Variants in GCNA observed in about 807,000 individuals in gnomAD.
GCNA encodes germ cell nuclear acidic protein.
Under a neutral mutation model 38.8 loss-of-function variants are expected in GCNA, and 3 were observed. That is an observed-to-expected ratio of 0.08 (90% CI 0.04 to 0.20). The LOEUF is 0.20. Ranked by LOEUF, GCNA falls within the 10% of genes least tolerant of loss-of-function variation. The pLI, the probability that GCNA is intolerant of heterozygous loss-of-function variation, is 1.00. For synonymous variants in GCNA, 195 were observed against 240.2 expected, an observed-to-expected ratio of 0.81 and a Z score of 1.74; for missense variants, 446 against 578.6, an observed-to-expected ratio of 0.77 and a Z score of 2.35.
At position 71,613,005 on chromosome X, in the gene GCNA, A is replaced by G; in HGVS notation, c.*23A>G. ...TGACCATTTGCTGTGTATGTGCAGA[A>G]GTATTATAGAAAAATTATGCAGGAG... On this transcript the variant is annotated 3_prime_UTR_variant, in exon 13 of 13. Coordinates refer to ENST00000373696, the MANE Select transcript of GCNA (RefSeq NM_052957.5). 8.3e-7 allele frequency: 1 copy of G among 1,206,638 alleles called. No homozygotes were observed. Among genetic ancestry groups the G allele is most frequent in the Non-Finnish European group, 1.1e-6 (1 of 891,522 alleles).
In GCNA at chrX:71,594,733, T is replaced by C. The variant is rs753593252; in HGVS notation, c.188-13T>C. 2 of 1,071,543 alleles carry C rather than the reference T, an allele frequency of 1.9e-6. No homozygotes were observed. The highest frequency in any genetic ancestry group is 4.0e-5 in the African/African-American group (2 of 50,058). 88.3% of individuals were successfully genotyped at this position (1,071,543 alleles called of 1,213,427 possible). ...CTTCAGATGTTTTCTAATGCCCTCT[T>C]TCTCTGATTTAGCTGTGGCCAGAAG... On this transcript the variant is annotated splice_polypyrimidine_tract_variant and intron_variant, in intron 5 of 12. Transcript: ENST00000373696.
rs1266913868 is a variant in GCNA, at chrX:71,580,813, A to T, written c.-2-7A>T. The T allele has an allele frequency of 5.9e-6, 7 of 1,196,136 alleles. No homozygotes were observed. The highest frequency in any genetic ancestry group is 1.8e-5 in the African/African-American group (1 of 56,948). On this transcript the variant is annotated splice_region_variant and splice_polypyrimidine_tract_variant and intron_variant, in intron 1 of 12. Transcript: ENST00000373696. Reference sequence around the variant, plus strand: ...TTAAGAAAGTGTATCTTTGTCTTTCACTACAGACATGGATGGGTGCAAAAA... The same window carrying T: ...TTAAGAAAGTGTATCTTTGTCTTTCTCTACAGACATGGATGGGTGCAAAAA...
chrX:71,612,283 G>GAAAAA (rs756270122), intron 11 of GCNA, 72 bp from the exon 12 acceptor site: 348 of 293,128 alleles, frequency 1.2e-3, no homozygotes, highest in Admixed American at 3.4e-3. Flanking sequence ...CTCAAAAAAG[G>GAAAAA]AAAAAAAAAA....
chrX:71,588,892 GTTT>G (rs1232133669), intron 2 of GCNA, among the ~76,000 whole-genome samples: 15 of 101,373 alleles, frequency 1.5e-4, no homozygotes, highest in Admixed American at 6.4e-4. Context: ...TTTTTTTTAA[GTTT>G]TTTTTTTTTT....
At chrX:71,597,461 C>T (rs2040679773) in intron 6 of GCNA, among the ~76,000 whole-genome samples, 1 of 110,956 alleles carries the variant, frequency 9.0e-6, no homozygotes, top group Non-Finnish European at 1.9e-5. Flanking sequence ...CTGAGTTTGA[C>T]ACCTACCAGA....
intron 4 of GCNA, among the ~76,000 whole-genome samples, chrX:71,593,874 A>G (rs1483485788): frequency 1.9e-5 from 2 of 106,880 alleles, no homozygotes; most frequent in African/African-American, 6.9e-5. Context: ...TTTTAGAGAC[A>G]GGGTCTTGCT....
intron 2 of GCNA, among the ~76,000 whole-genome samples, chrX:71,585,859 T>G: frequency 1.7e-5 from 1 of 59,232 alleles, no homozygotes; most frequent in African/African-American, 1.7e-4. Context: ...ATAGAAGGGG[T>G]CTTTGGAATC....
chrX:71,611,716 T>C (rs892600357), intron 11 of GCNA, among the ~76,000 whole-genome samples: 2 of 111,326 alleles, frequency 1.8e-5, no homozygotes, highest in African/African-American at 6.5e-5. Flanking sequence ...CCTGTCCATC[T>C]CTGTTCCTGG....
rs767716995 is a variant in GCNA at position 71,612,359 on chromosome X, AATCCGGGATACCTTG to A, written c.1760_1774del (p.Arg587_Ile591del). 8.4e-7 allele frequency: 1 copy of A among 1,197,585 alleles called. No individual in the cohort carries two copies. Among genetic ancestry groups the A allele is most frequent in the Non-Finnish European group, 1.1e-6 (1 of 887,058 alleles). Reference sequence around the variant, plus strand: ...TCTTTTCATTCTTCTTTCAAGACCGAATCCGGGATACCTTGATCCATGAAATGTGCCATGCTGCCT... The same window carrying A: ...TCTTTTCATTCTTCTTTCAAGACCGAATCCATGAAATGTGCCATGCTGCCT... On this transcript the variant is annotated inframe_deletion, in exon 12 of 13. Coordinates refer to ENST00000373696, the MANE Select transcript of GCNA (RefSeq NM_052957.5).
chrX:71,588,580 A>T (rs1435329355), intron 2 of GCNA, among the ~76,000 whole-genome samples: 1 of 112,019 alleles, frequency 8.9e-6, no homozygotes, highest in Non-Finnish European at 1.9e-5. Flanking sequence ...TAATCCCAGT[A>T]CTTTGGGAGG....
intron 2 of GCNA, among the ~76,000 whole-genome samples, chrX:71,587,261 G>C (rs1438671009): frequency 1.8e-5 from 2 of 110,171 alleles, no homozygotes; most frequent in Admixed American, 9.7e-5. Context: ...GTTCCTAGCT[G>C]ATTGCTTCTA....
intron 8 of GCNA, 140 bp downstream of exon 8, chrX:71,604,816 A>G: frequency 3.5e-6 from 3 of 855,706 alleles, no homozygotes; most frequent in Non-Finnish European, 4.9e-6. Context: ...GGAGGCATCC[A>G]TCCCAGTGCA....
At position 71,605,677 on chromosome X, in the gene GCNA, G is replaced by A. The variant is rs1305534949; in HGVS notation, c.1414G>A (p.Gly472Arg). 2 of 1,207,924 alleles carry A rather than the reference G, an allele frequency of 1.7e-6. No individual in the cohort carries two copies. The highest frequency in any genetic ancestry group is 2.2e-6 in the Non-Finnish European group (2 of 893,694). The change falls in exon 9 of 13, where the codon GGG (glycine) becomes AGG (arginine). Residue 472 changes from glycine (G) to arginine (R), a missense_variant. Around this residue, in one of 7 missense-constraint regions of GCNA, gnomAD observed 160 missense variants for 165.2 expected, o/e 0.97. Coordinates refer to ENST00000373696, the MANE Select transcript of GCNA (RefSeq NM_052957.5). Reference protein sequence around the residue: ...VSVTPGHKKRGPSKKKPGAAK... With the variant: ...VSVTPGHKKRRPSKKKPGAAK... The stretch of plus-strand genomic sequence containing the variant: ...ATCTGGTAAAGGACATAAGAAGCGT[G>A]GGCCTTCAAAGAAGAAACCCGGTGC...
intron 7 of GCNA, among the ~76,000 whole-genome samples, chrX:71,602,620 A>G (rs987708694): frequency 1.8e-5 from 2 of 110,874 alleles, no homozygotes; most frequent in Non-Finnish European, 3.8e-5. Flanking sequence ...TTTTCATTGG[A>G]TTATTAGATT....
chrX:71,586,902 G>T lies in GCNA; in HGVS notation c.60-5220G>T, dbSNP rs181484514. Among the ~76,000 whole-genome samples the T allele has an allele frequency of 1.3e-4, 15 of 111,940 alleles. No homozygotes were observed. The East Asian group carries it at 4.2e-3, about 31-fold the overall frequency. ...TGGGATTACAGGTGTGAGCCACTGCGCCTGGCCCATGTTACCTTTTAAATA... is the reference window on the plus strand; with the variant it reads ...TGGGATTACAGGTGTGAGCCACTGCTCCTGGCCCATGTTACCTTTTAAATA... On this transcript the variant is annotated intron_variant, in intron 2 of 12. Coordinates refer to ENST00000373696, the MANE Select transcript of GCNA (RefSeq NM_052957.5).
chrX:71,604,488 C>A lies in GCNA; in HGVS notation c.1211C>A (p.Ala404Glu), dbSNP rs2040751322. Residue 404 changes from alanine to glutamate, a missense_variant, in exon 8 of 13, where the codon GCA (alanine) becomes GAA (glutamate). Ala to Glu is a moderately radical substitution (Grantham distance 107). This residue lies in a region of GCNA where 160 missense variants were observed against 165.2 expected (regional missense o/e 0.97). Coordinates refer to ENST00000373696, the MANE Select transcript of GCNA (RefSeq NM_052957.5). ...ERKLPTEEEPAPVVEQSGKRK... is the reference protein window; with the variant it reads ...ERKLPTEEEPEPVVEQSGKRK... Reference sequence around the variant, plus strand: ...AAGCTGCCAACTGAGGAAGAGCCTGCACCTGTGGTGGAACAATCAGGGAAA... The same window carrying A: ...AAGCTGCCAACTGAGGAAGAGCCTGAACCTGTGGTGGAACAATCAGGGAAA... 3.3e-6 allele frequency: 4 copies of A among 1,202,876 alleles called. No individual in the cohort carries two copies. The highest frequency in any genetic ancestry group is 4.5e-6 in the Non-Finnish European group (4 of 890,710).
chrX:71,603,943 G>A lies in GCNA; in HGVS notation c.666G>A (p.Ser222=), dbSNP rs762196878. Residue 222 remains serine (S), a synonymous_variant, in exon 8 of 13, where the codon TCG becomes TCA. Transcript: ENST00000373696. ...TTCCCGACGACAAGAGTGATGATTC[G>A]GATGTTCCCGACGACAGCAGTGATG... ...SDVPDDKSDD[S]DVPDDSSDDS... 5 of 1,207,951 alleles carry A rather than the reference G, an allele frequency of 4.1e-6. No homozygotes were observed. The highest frequency in any genetic ancestry group is 5.6e-6 in the Non-Finnish European group (5 of 894,605).
chrX:71,593,327 C>T (rs1290809216), intron 4 of GCNA, among the ~76,000 whole-genome samples: 2 of 111,675 alleles, frequency 1.8e-5, no homozygotes, highest in Non-Finnish European at 1.9e-5. Flanking sequence ...TGTAGCCAGG[C>T]GCCACATTGG....
chrX:71,610,930 G>C, intron 11 of GCNA, 111 bp downstream of exon 11: 1 of 1,041,387 alleles, frequency 9.6e-7, no homozygotes, highest in African/African-American at 1.8e-5. Flanking sequence ...TGTCATTCTT[G>C]GGTGGGCAGG....
Sources: allele counts gnomAD v4.1 joint callset (sites outside exome capture counted in the v4.1 genomes callset), GRCh38; gene constraint gnomAD v4.1.1; regional missense constraint gnomAD v4.1.1; transcripts MANE v1.5; gene names NCBI Gene and HGNC (gene_info 2026-07-23, HGNC 2026-07-21).